CCIN: variants seen among roughly 807,000 people sequenced by gnomAD.
CCIN encodes calicin.
CCIN carries 15 observed loss-of-function variants against 32.2 expected under a neutral mutation model. That is an observed-to-expected ratio of 0.47 (90% CI 0.31 to 0.72). CCIN has a LOEUF of 0.72. Among genes scored for constraint, CCIN ranks in the 30% least tolerant of loss-of-function variants. CCIN has a pLI of 0.05. For missense variants in CCIN, 623 were observed against 759.4 expected, an observed-to-expected ratio of 0.82 and a Z score of 2.11; for synonymous variants, 302 against 297.4, an observed-to-expected ratio of 1.02 and a Z score of -0.16.
chr9:36,170,174 T>C lies in CCIN; in HGVS notation c.672T>C (p.Asn224=), dbSNP rs1826290991. Residue 224 remains asparagine (N), a synonymous_variant, in exon 1 of 1, where the codon AAT becomes AAC. Coordinates refer to ENST00000335119, the MANE Select transcript of CCIN (RefSeq NM_005893.3). Reference sequence around the variant, plus strand: ...TCAAGAAGTTCTTCAATTACATCAATCTCAATGCTGTCTCCAATAAGACGC... The same window carrying C: ...TCAAGAAGTTCTTCAATTACATCAACCTCAATGCTGTCTCCAATAAGACGC... ...KYFKKFFNYI[N]LNAVSNKTLV... The C allele has an allele frequency of 1.9e-6, 3 of 1,614,186 alleles. No individual in the cohort carries two copies. The East Asian group carries it at 6.7e-5, about 36-fold the overall frequency.
At position 36,169,716 on chromosome 9, in the gene CCIN, A is replaced by G. The variant is rs1826281976; in HGVS notation, c.214A>G (p.Ile72Val). The change falls in exon 1 of 1, where the codon ATT (isoleucine) becomes GTT (valine). Residue 72 changes from isoleucine to valine, a missense_variant. Physicochemically the swap from Ile to Val is conservative, Grantham distance 29. Transcript: ENST00000335119. ...GACCGCTGATGAGCTTTTCATCACC[A>G]TTGACACCAGTTACCTGAGCCCGGT... Reference protein sequence around the residue: ...MKTADELFITIDTSYLSPVTV... With the variant: ...MKTADELFITVDTSYLSPVTV... The G allele has an allele frequency of 6.2e-7, 1 of 1,614,044 alleles. No individual in the cohort carries two copies. The highest frequency in any genetic ancestry group is 1.3e-5 in the African/African-American group (1 of 74,914).
Position 36,170,645 on chromosome 9 carries a change from C to T in CCIN, c.1143C>T (p.Gly381=), listed in dbSNP as rs371614522. 6.9e-5 allele frequency: 112 copies of T among 1,614,148 alleles called. No homozygotes were observed. Among genetic ancestry groups the T allele is most frequent in the East Asian group, 6.2e-4 (28 of 44,876 alleles). ...VTCGGTVYSV[G]GSIAPRRYVS... ...GTGGGGGGACAGTGTACTCAGTGGG[C>T]GGGAGCATTGCCCCAAGGCGGTATG... The change falls in exon 1 of 1, where the codon GGC becomes GGT. Residue 381 remains glycine, a synonymous_variant. Transcript: ENST00000335119.
chr9:36,169,667 C>A lies in CCIN; in HGVS notation c.165C>A (p.Ser55Arg). The A allele has an allele frequency of 6.2e-7, 1 of 1,614,176 alleles. No homozygotes were observed. Among genetic ancestry groups the A allele is most frequent in the East Asian group, 2.2e-5 (1 of 44,878 alleles). Reference protein sequence around the residue: ...VLAAVSPLVRSLISSNDMKTA... With the variant: ...VLAAVSPLVRRLISSNDMKTA... ...CTGCTGTCTCCCCACTGGTGAGGAGCCTCATCTCCAGCAATGACATGAAGA... is the reference window on the plus strand; with the variant it reads ...CTGCTGTCTCCCCACTGGTGAGGAGACTCATCTCCAGCAATGACATGAAGA... Residue 55 changes from serine (S) to arginine (R), a missense_variant, in exon 1 of 1, where the codon AGC becomes AGA. Transcript: ENST00000335119.
At position 36,170,082 on chromosome 9, in the gene CCIN, G is replaced by C; in HGVS notation, c.580G>C (p.Glu194Gln). 6.2e-7 allele frequency: 1 copy of C among 1,614,236 alleles called. No homozygotes were observed. The highest frequency in any genetic ancestry group is 8.5e-7 in the Non-Finnish European group (1 of 1,180,046). The change falls in exon 1 of 1, where the codon GAA becomes CAA. Residue 194 changes from glutamate (E) to glutamine (Q), a missense_variant. Physicochemically the swap from Glu to Gln is conservative, Grantham distance 29. Transcript: ENST00000335119. Reference sequence around the variant, plus strand: ...TGATGAAAACCTTCACGTGCTCAATGAAGACCAGGCGCTCAGCGCACTCAT... The same window carrying C: ...TGATGAAAACCTTCACGTGCTCAATCAAGACCAGGCGCTCAGCGCACTCAT... ...LRDENLHVLNEDQALSALINW... is the reference protein window; with the variant it reads ...LRDENLHVLNQDQALSALINW...
rs767219771 is a variant in CCIN at position 36,169,490 on chromosome 9, GACAAGAGGC to G, written c.-10_-2del. 2 of 1,613,862 alleles carry G rather than the reference GACAAGAGGC, an allele frequency of 1.2e-6. No individual in the cohort carries two copies. Among genetic ancestry groups the G allele is most frequent in the South Asian group, 2.2e-5 (2 of 90,992 alleles). Reference sequence around the variant, plus strand: ...TACCTGCTGCTGATCTGTTTCAGCCGACAAGAGGCACCATGAAATTGGAATTCACGGAGA... The same window carrying G: ...TACCTGCTGCTGATCTGTTTCAGCCGACCATGAAATTGGAATTCACGGAGA... On this transcript the variant is annotated 5_prime_UTR_variant, in exon 1 of 1. Transcript: ENST00000335119.
Position 36,170,281 on chromosome 9 carries a change from G to A in CCIN, c.779G>A (p.Arg260His), listed in dbSNP as rs146585082. The A allele has an allele frequency of 7.7e-5, 124 of 1,613,926 alleles. No individual in the cohort carries two copies. Among genetic ancestry groups the A allele is most frequent in the African/African-American group, 6.4e-4 (48 of 74,952 alleles). The change falls in exon 1 of 1, where the codon CGC becomes CAC. Residue 260 changes from arginine (R) to histidine (H), a missense_variant. Physicochemically the swap from Arg to His is conservative, Grantham distance 29 (BLOSUM62 0). Transcript: ENST00000335119. ...CTGATTGAGAGTGTCCTGATGGACC[G>A]CAAGCAGGAGCGGCCATGCAGCCTG... ...TTLIESVLMD[R>H]KQERPCSLLV...
rs1337399964 is a variant in CCIN at position 36,171,071 on chromosome 9, A to C, written c.1569A>C (p.Gly523=). The change falls in exon 1 of 1, where the codon GGA becomes GGC. Residue 523 remains glycine (G), a synonymous_variant. Transcript: ENST00000335119. Reference sequence around the variant, plus strand: ...TGTCCCATGCTATATGCTCCATTGGAGACAGCAAGGTGTTTGTATGTGGGG... The same window carrying C: ...TGTCCCATGCTATATGCTCCATTGGCGACAGCAAGGTGTTTGTATGTGGGG... The part of the protein sequence containing the change: ...LDVSHAICSI[G]DSKVFVCGGV... 4 of 1,614,072 alleles carry C rather than the reference A, an allele frequency of 2.5e-6. No homozygotes were observed. The Admixed American group carries it at 5.0e-5, about 20-fold the overall frequency.
Position 36,169,733 on chromosome 9 carries a change from G to T in CCIN, c.231G>T (p.Leu77=). ...ELFITIDTSY[L]SPVTVDQLLD... ...TCATCACCATTGACACCAGTTACCT[G>T]AGCCCGGTCACAGTGGACCAGCTTC... The change falls in exon 1 of 1, where the codon CTG becomes CTT. Residue 77 remains leucine (L), a synonymous_variant. Coordinates refer to ENST00000335119, the MANE Select transcript of CCIN (RefSeq NM_005893.3). 2 of 1,614,176 alleles carry T rather than the reference G, an allele frequency of 1.2e-6. No homozygotes were observed. Among genetic ancestry groups the T allele is most frequent in the South Asian group, 2.2e-5 (2 of 91,078 alleles).
In CCIN at chr9:36,170,582, C is replaced by T; in HGVS notation, c.1080C>T (p.Asp360=). Residue 360 remains aspartate, a synonymous_variant, in exon 1 of 1, where the codon GAC becomes GAT. Transcript: ENST00000335119. ...ACAACTCCTGGACCAAGTTGCCTGA[C>T]CTGCCCATCGGGCTTGTCTTCCACA... ...MDDNSWTKLP[D]LPIGLVFHTM... 1 of 1,614,074 alleles carries T rather than the reference C, an allele frequency of 6.2e-7. No homozygotes were observed. The highest frequency in any genetic ancestry group is 8.5e-7 in the Non-Finnish European group (1 of 1,179,998).
Position 36,170,196 on chromosome 9 carries a change from A to G in CCIN, c.694A>G (p.Thr232Ala). 6.2e-7 allele frequency: 1 copy of G among 1,614,142 alleles called. No homozygotes were observed. The highest frequency in any genetic ancestry group is 8.5e-7 in the Non-Finnish European group (1 of 1,180,022). Residue 232 changes from threonine to alanine, a missense_variant, in exon 1 of 1, where the codon ACG becomes GCG. By Grantham distance (58) the Thr-to-Ala change is moderately conservative (BLOSUM62 0). Transcript: ENST00000335119. ...CAATCTCAATGCTGTCTCCAATAAG[A>G]CGCTGGTGTTTGCCAGCAACAAGCT... ...YINLNAVSNK[T>A]LVFASNKLVG...
Position 36,169,750 on chromosome 9 carries a change from A to G in CCIN, c.248A>G (p.Asp83Gly), listed in dbSNP as rs138966068. ...DTSYLSPVTV[D>G]QLLDYFYSGK... ...AGTTACCTGAGCCCGGTCACAGTGGACCAGCTTCTGGACTACTTCTATAGC... is the reference window on the plus strand; with the variant it reads ...AGTTACCTGAGCCCGGTCACAGTGGGCCAGCTTCTGGACTACTTCTATAGC... The change falls in exon 1 of 1, where the codon GAC becomes GGC. Residue 83 changes from aspartate (D) to glycine (G), a missense_variant. Transcript: ENST00000335119. 1.2e-5 allele frequency: 20 copies of G among 1,614,066 alleles called. No individual in the cohort carries two copies. The Middle Eastern group carries it at 4.9e-4, about 40-fold the overall frequency.
Position 36,170,872 on chromosome 9 carries a change from A to C in CCIN, c.1370A>C (p.Gln457Pro). 6.2e-7 allele frequency: 1 copy of C among 1,614,254 alleles called. No individual in the cohort carries two copies. Among genetic ancestry groups the C allele is most frequent in the Non-Finnish European group, 8.5e-7 (1 of 1,180,032 alleles). Residue 457 changes from glutamine (Q) to proline (P), a missense_variant, in exon 1 of 1, where the codon CAG (glutamine) becomes CCG (proline). Gln to Pro is a moderately conservative substitution (Grantham distance 76). Coordinates refer to ENST00000335119, the MANE Select transcript of CCIN (RefSeq NM_005893.3). ...CFDTSTGDVVQCITFPIEFNH... is the reference protein window; with the variant it reads ...CFDTSTGDVVPCITFPIEFNH... ...GACACCAGCACTGGGGACGTGGTCC[A>C]GTGTATCACCTTCCCCATTGAGTTC...
rs779223809 is a variant in CCIN at position 36,170,295 on chromosome 9, C to T, written c.793C>T (p.Pro265Ser). The T allele has an allele frequency of 6.2e-7, 1 of 1,614,140 alleles. No homozygotes were observed. The highest frequency in any genetic ancestry group is 1.7e-5 in the Admixed American group (1 of 60,028). The change falls in exon 1 of 1, where the codon CCA becomes TCA. Residue 265 changes from proline to serine, a missense_variant. Coordinates refer to ENST00000335119, the MANE Select transcript of CCIN (RefSeq NM_005893.3). ...SVLMDRKQER[P>S]CSLLVYQRKG... Reference sequence around the variant, plus strand: ...CCTGATGGACCGCAAGCAGGAGCGGCCATGCAGCCTGCTGGTCTACCAGCG... The same window carrying T: ...CCTGATGGACCGCAAGCAGGAGCGGTCATGCAGCCTGCTGGTCTACCAGCG...
Position 36,170,184 on chromosome 9 carries a change from G to T in CCIN, c.682G>T (p.Val228Phe). 1 of 1,614,226 alleles carries T rather than the reference G, an allele frequency of 6.2e-7. No individual in the cohort carries two copies. The highest frequency in any genetic ancestry group is 8.5e-7 in the Non-Finnish European group (1 of 1,180,048). ...KFFNYINLNA[V>F]SNKTLVFASN... ...CTTCAATTACATCAATCTCAATGCT[G>T]TCTCCAATAAGACGCTGGTGTTTGC... is the stretch of plus-strand genomic sequence containing the variant. Residue 228 changes from valine to phenylalanine, a missense_variant, in exon 1 of 1, where the codon GTC (valine) becomes TTC (phenylalanine). Val to Phe is a conservative substitution (Grantham distance 50). Coordinates refer to ENST00000335119, the MANE Select transcript of CCIN (RefSeq NM_005893.3).
Position 36,170,093 on chromosome 9 carries a change from G to A in CCIN, c.591G>A (p.Ala197=), listed in dbSNP as rs377033104. The part of the protein sequence containing the change: ...ENLHVLNEDQ[A]LSALINWVYF... ...TTCACGTGCTCAATGAAGACCAGGC[G>A]CTCAGCGCACTCATCAATTGGGTGT... Residue 197 remains alanine (A), a synonymous_variant, in exon 1 of 1, where the codon GCG becomes GCA. Transcript: ENST00000335119. 8.7e-6 allele frequency: 14 copies of A among 1,614,054 alleles called. No individual in the cohort carries two copies. Among genetic ancestry groups the A allele is most frequent in the African/African-American group, 4.0e-5 (3 of 74,930 alleles).
In CCIN at chr9:36,170,447, T is replaced by C. The variant is rs762270320; in HGVS notation, c.945T>C (p.Tyr315=). The part of the protein sequence containing the change: ...NLWMKLSDMP[Y]RAAALSATSA... ...GGATGAAGCTCTCAGACATGCCCTA[T>C]CGGGCAGCAGCACTTAGTGCCACCT... Residue 315 remains tyrosine, a synonymous_variant, in exon 1 of 1, where the codon TAT becomes TAC. Transcript: ENST00000335119. The C allele has an allele frequency of 3.7e-6, 6 of 1,614,128 alleles. No homozygotes were observed. The highest frequency in any genetic ancestry group is 1.3e-5 in the African/African-American group (1 of 75,082).
Position 36,170,774 on chromosome 9 carries a change from G to A in CCIN, c.1272G>A (p.Arg424=). 1 of 1,614,268 alleles carries A rather than the reference G, an allele frequency of 6.2e-7. No individual in the cohort carries two copies. Among genetic ancestry groups the A allele is most frequent in the Non-Finnish European group, 8.5e-7 (1 of 1,180,052 alleles). ...DGTAVITKGD[R]HLYIVTGRCL... The stretch of plus-strand genomic sequence containing the variant: ...CCGCCGTGATCACTAAAGGAGACAG[G>A]CATCTGTACATTGTCACTGGACGGT... Residue 424 remains arginine, a synonymous_variant, in exon 1 of 1, where the codon AGG becomes AGA. Coordinates refer to ENST00000335119, the MANE Select transcript of CCIN (RefSeq NM_005893.3).
Position 36,171,311 on chromosome 9 carries a change from G to A in CCIN, c.*42G>A, listed in dbSNP as rs191171185. ...AATAAGTAAATGCATTATTATTCACGATTTAATGAGAGAAAGAGAGGAAGA... is the reference window on the plus strand; with the variant it reads ...AATAAGTAAATGCATTATTATTCACAATTTAATGAGAGAAAGAGAGGAAGA... On this transcript the variant is annotated 3_prime_UTR_variant, in exon 1 of 1. Transcript: ENST00000335119. 1.1e-3 allele frequency: 1,726 copies of A among 1,582,256 alleles called. 1 individual carries two copies. Among genetic ancestry groups the A allele is most frequent in the Non-Finnish European group, 1.4e-3 (1,578 of 1,162,200 alleles).
At position 36,169,934 on chromosome 9, in the gene CCIN, G is replaced by T; in HGVS notation, c.432G>T (p.Glu144Asp). 6.2e-7 allele frequency: 1 copy of T among 1,614,016 alleles called. No homozygotes were observed. The highest frequency in any genetic ancestry group is 8.5e-7 in the Non-Finnish European group (1 of 1,180,036). ...LRYLFLAELF[E>D]LKEVSDVAYS... is the part of the protein sequence containing the mutation. ...ACCTCTTCTTGGCTGAGCTGTTTGAGCTCAAAGAGGTATCAGACGTAGCTT... is the reference window on the plus strand; with the variant it reads ...ACCTCTTCTTGGCTGAGCTGTTTGATCTCAAAGAGGTATCAGACGTAGCTT... The change falls in exon 1 of 1, where the codon GAG becomes GAT. Residue 144 changes from glutamate (E) to aspartate (D), a missense_variant. Physicochemically the swap from Glu to Asp is conservative, Grantham distance 45 (BLOSUM62 2). Coordinates refer to ENST00000335119, the MANE Select transcript of CCIN (RefSeq NM_005893.3).
Sources: gnomAD v4.1 joint callset for allele counts on GRCh38, gnomAD v4.1.1 for gene constraint, MANE v1.5 for transcripts, NCBI Gene and HGNC (gene_info 2026-07-23, HGNC 2026-07-21) for gene names.